The following NKAIN2 variants were observed in gnomAD, a reference collection of about 807,000 sequenced individuals.
NKAIN2 encodes sodium/potassium-transporting ATPase subunit beta-1-interacting protein 2.
A neutral mutation model predicts 32.6 loss-of-function variants in NKAIN2; 14 were observed. That is an observed-to-expected ratio of 0.43 (90% confidence interval 0.28 to 0.67). The LOEUF is 0.67. Ranked by LOEUF, NKAIN2 falls within the 30% of genes least tolerant of loss-of-function variation. The probability of loss-of-function intolerance (pLI) is 0.17; values close to 1 mark genes in which losing one functional copy is unlikely to be tolerated. For synonymous variants in NKAIN2, 80 were observed against 87.2 expected, an observed-to-expected ratio of 0.92 and a Z score of 0.46; for missense variants, 198 against 258.3, an observed-to-expected ratio of 0.77 and a Z score of 1.60.
At chr6:124,228,285 C>T (rs1406750884) in intron 1 of NKAIN2, among the ~76,000 whole-genome samples, 1 of 152,090 alleles carries the variant, frequency 6.6e-6, no homozygotes, top group African/African-American at 2.4e-5. Flanking sequence ...TAGGAAGAGA[C>T]CAAAGAGCTA....
At chr6:123,820,081 T>TCC (rs1416037997) in intron 1 of NKAIN2, among the ~76,000 whole-genome samples, 7 of 152,214 alleles carry the variant, frequency 4.6e-5, no homozygotes, top group African/African-American at 9.6e-5. Context: ...ATCATCAGCG[T>TCC]CCTTGTAATA....
chr6:124,707,770 A>C (rs886099145), intron 4 of NKAIN2, among the ~76,000 whole-genome samples: 2 of 150,918 alleles, frequency 1.3e-5, no homozygotes, highest in Non-Finnish European at 3.0e-5. Flanking sequence ...GGTTGCAAAA[A>C]TTTTCTCCCA....
Position 124,188,754 on chromosome 6 carries a change from C to G in NKAIN2, c.55-94251C>G, listed in dbSNP as rs568806790. The stretch of plus-strand genomic sequence containing the variant: ...ATAAAGCTCTGATATGCTGTGGAGC[C>G]TATTGGTCAATAGTTTGATAGAATT... On this transcript the variant is annotated intron_variant, in intron 1 of 6. Coordinates refer to ENST00000368417, the MANE Select transcript of NKAIN2 (RefSeq NM_001040214.3). 3.9e-5 allele frequency among the ~76,000 whole-genome samples: 6 copies of G among 152,250 alleles called. No individual in the cohort carries two copies. The East Asian group carries it at 1.2e-3, about 29-fold the overall frequency.
intron 1 of NKAIN2, among the ~76,000 whole-genome samples, chr6:124,185,643 A>G: frequency 6.6e-6 from 1 of 152,192 alleles, no homozygotes; most frequent in East Asian, 1.9e-4. Flanking sequence ...CTCCCTTCAA[A>G]TACTTCATGA....
chr6:124,074,708 C>A (rs898363001), intron 1 of NKAIN2, among the ~76,000 whole-genome samples: 7 of 152,162 alleles, frequency 4.6e-5, no homozygotes, highest in Non-Finnish European at 1.0e-4. Flanking sequence ...TCTTTATTCT[C>A]TTCTTCACCA....
intron 1 of NKAIN2, among the ~76,000 whole-genome samples, chr6:124,046,156 T>C (rs980186671): frequency 1.3e-5 from 2 of 152,008 alleles, no homozygotes; most frequent in Non-Finnish European, 2.9e-5. Flanking sequence ...TTATATCTGT[T>C]GGAGTGAAGT....
intron 1 of NKAIN2, among the ~76,000 whole-genome samples, chr6:124,220,016 T>A (rs969486526): frequency 2.0e-5 from 3 of 152,192 alleles, no homozygotes; most frequent in African/African-American, 4.8e-5. Context: ...TGAAATTTAA[T>A]GGCTTTCTAC....
intron 1 of NKAIN2, among the ~76,000 whole-genome samples, chr6:123,933,334 T>C (rs1233555831): frequency 6.6e-6 from 1 of 152,230 alleles, no homozygotes; most frequent in African/African-American, 2.4e-5. Flanking sequence ...CCATTCTAAA[T>C]GCAAATAAGA....
intron 4 of NKAIN2, among the ~76,000 whole-genome samples, chr6:124,761,259 A>T (rs549131540): frequency 6.6e-6 from 1 of 152,304 alleles, no homozygotes; most frequent in South Asian, 2.1e-4. Flanking sequence ...GCAGCTTCAG[A>T]ACAGATAGTT....
intron 3 of NKAIN2, among the ~76,000 whole-genome samples, chr6:124,485,852 A>T (rs1777628973): frequency 6.6e-6 from 1 of 152,162 alleles, no homozygotes; most frequent in South Asian, 2.1e-4. Flanking sequence ...GTGTCCTGTG[A>T]GGTGTACAGG....
At chr6:124,499,060 A>G (rs1375130177) in intron 3 of NKAIN2, among the ~76,000 whole-genome samples, 3 of 152,032 alleles carry the variant, frequency 2.0e-5, no homozygotes, top group Non-Finnish European at 4.4e-5. Context: ...TAGCCACCTT[A>G]TCCGGCCAAT....
intron 3 of NKAIN2, among the ~76,000 whole-genome samples, chr6:124,641,592 C>T (rs1783995855): frequency 2.3e-5 from 2 of 86,522 alleles, no homozygotes; most frequent in South Asian, 8.2e-4. Context: ...TGCTCTGTTG[C>T]CCAGGCTGGA....
chr6:124,814,913 CAATAAT>C (rs1269247242), intron 5 of NKAIN2, among the ~76,000 whole-genome samples: 1 of 151,978 alleles, frequency 6.6e-6, no homozygotes, highest in Non-Finnish European at 1.5e-5. Flanking sequence ...AAAACAAACT[CAATAAT>C]AATAACAACA....
chr6:124,319,967 A>G (rs535207439), intron 2 of NKAIN2, among the ~76,000 whole-genome samples: 3 of 152,300 alleles, frequency 2.0e-5, no homozygotes, highest in East Asian at 3.9e-4. Context: ...TGGGTTTAAA[A>G]AAATACGTTG....
intron 3 of NKAIN2, among the ~76,000 whole-genome samples, chr6:124,489,019 C>T (rs552418303): frequency 7.9e-5 from 12 of 151,948 alleles, no homozygotes; most frequent in Admixed American, 1.3e-4. Flanking sequence ...GCCCTGACTT[C>T]CCACTAGACA....
intron 1 of NKAIN2, among the ~76,000 whole-genome samples, chr6:124,264,780 CT>C (rs1794412862): frequency 6.6e-6 from 1 of 152,032 alleles, no homozygotes; most frequent in Non-Finnish European, 1.5e-5. Context: ...TTTTTAGTTG[CT>C]TTTTTAAAAT....
At chr6:124,287,776 T>C (rs1795622651) in intron 2 of NKAIN2, among the ~76,000 whole-genome samples, 1 of 152,178 alleles carries the variant, frequency 6.6e-6, no homozygotes, top group African/African-American at 2.4e-5. Context: ...ATCCAGTGTT[T>C]ATAAGTTAAT....
intron 4 of NKAIN2, among the ~76,000 whole-genome samples, chr6:124,765,637 A>G (rs1258162736): frequency 6.6e-6 from 1 of 152,210 alleles, no homozygotes; most frequent in Non-Finnish European, 1.5e-5. Context: ...CCTCATGAAG[A>G]ATAAGAACAT....
At chr6:124,658,713 G>T in intron 4 of NKAIN2, 1 of 490,966 alleles carries the variant, frequency 2.0e-6, no homozygotes, top group East Asian at 3.3e-5. Context: ...TTTTCATAAC[G>T]TTCTACAGTA....
Sources: gnomAD v4.1 joint callset for allele counts (sites outside exome capture counted in the v4.1 genomes callset) on GRCh38, gnomAD v4.1.1 for gene constraint, MANE v1.5 for transcripts, NCBI Gene and HGNC (gene_info 2026-07-23, HGNC 2026-07-21) for gene names.